The following SIK3 variants were observed in gnomAD, a reference collection of about 807,000 sequenced individuals.
The protein encoded by SIK3 is SIK family kinase 3.
Under a neutral mutation model 144.2 loss-of-function variants are expected in SIK3, and 28 were observed. The observed-to-expected ratio is 0.19, with a 90% CI of 0.14 to 0.27. The LOEUF (loss-of-function observed/expected upper bound fraction) is 0.27. Ranked by LOEUF, SIK3 falls within the 10% of genes least tolerant of loss-of-function variation. The pLI is 1.00. For missense variants in SIK3, 1,319 were observed against 1,776.0 expected, an observed-to-expected ratio of 0.74 and a Z score of 4.62; for synonymous variants, 686 against 676.3, an observed-to-expected ratio of 1.01 and a Z score of -0.22.
chr11:117,012,909 C>T (rs937277472), intron 1 of SIK3, among the ~76,000 whole-genome samples: 9 of 129,318 alleles, frequency 7.0e-5, no homozygotes, highest in East Asian at 4.5e-4. Context: ...TGGAGTGCAG[C>T]GGCGTGATCT....
At chr11:116,881,833 T>G (rs1944567995) in intron 6 of SIK3, among the ~76,000 whole-genome samples, 1 of 152,322 alleles carries the variant, frequency 6.6e-6, no homozygotes, top group South Asian at 2.1e-4. Context: ...GCTAAACCCT[T>G]TAAGTTAATT....
At position 116,897,210 on chromosome 11, in the gene SIK3, G is replaced by A; in HGVS notation, c.724C>T (p.Pro242Ser). ...ELFEGKEYDG[P>S]KVDIWSLGVV... Reference sequence around the variant, plus strand: ...TTACTTACCCAGATGTCCACTTTGGGCCCATCATATTCTTTTCCTTCAAAG... The same window carrying A: ...TTACTTACCCAGATGTCCACTTTGGACCCATCATATTCTTTTCCTTCAAAG... Residue 242 changes from proline (P) to serine (S), a missense_variant, in exon 5 of 25, where the codon CCC (proline) becomes TCC (serine). By Grantham distance (74) the Pro-to-Ser change is moderately conservative. Around this residue, in one of 8 missense-constraint regions of SIK3, gnomAD observed 125 missense variants for 285.2 expected, o/e 0.44. Coordinates refer to ENST00000445177, the MANE Select transcript of SIK3 (RefSeq NM_001366686.3). 1 of 1,613,940 alleles carries A rather than the reference G, an allele frequency of 6.2e-7. No individual in the cohort carries two copies. The highest frequency in any genetic ancestry group is 8.5e-7 in the Non-Finnish European group (1 of 1,179,924).
intron 1 of SIK3, among the ~76,000 whole-genome samples, chr11:117,096,600 T>C (rs945530046): frequency 6.6e-6 from 1 of 152,094 alleles, no homozygotes; most frequent in Non-Finnish European, 1.5e-5. Context: ...CATTCAGCTC[T>C]GACCTGCAGA....
rs1955061506 is a variant in SIK3, at chr11:117,087,361, T to C, written c.273+10782A>G. Among the ~76,000 whole-genome samples the C allele has an allele frequency of 2.0e-5, 3 of 152,072 alleles. No individual in the cohort carries two copies. In the South Asian group the frequency reaches 6.2e-4, roughly 31 times the overall value. ...GGGAAGCTGAGGCAAGAGAATCGCT[T>C]GAACCCAGGAGGCGGAGGTTGCAGT... On this transcript the variant is annotated intron_variant, in intron 1 of 24. Coordinates refer to ENST00000445177, the MANE Select transcript of SIK3 (RefSeq NM_001366686.3).
chr11:117,063,734 A>G (rs955302886), intron 1 of SIK3, among the ~76,000 whole-genome samples: 6 of 151,678 alleles, frequency 4.0e-5, no homozygotes, highest in African/African-American at 1.5e-4. Flanking sequence ...ACGCCTGGCT[A>G]ATTTTTTGTA....
In SIK3 at chr11:116,896,390, A is replaced by G. The variant is rs1251266584; in HGVS notation, c.742-14T>C. The G allele has an allele frequency of 6.2e-7, 1 of 1,612,316 alleles. No homozygotes were observed. Among genetic ancestry groups the G allele is most frequent in the East Asian group, 2.2e-5 (1 of 44,780 alleles). ...AACTCCAAGGCTCTGCATCCCAAAC[A>G]GAGAGGATGTACAATTAATCACATC... On this transcript the variant is annotated splice_polypyrimidine_tract_variant and intron_variant, in intron 5 of 24. Coordinates refer to ENST00000445177, the MANE Select transcript of SIK3 (RefSeq NM_001366686.3).
At chr11:116,852,433 G>A (rs1217284076) in intron 21 of SIK3, among the ~76,000 whole-genome samples, 2 of 152,208 alleles carry the variant, frequency 1.3e-5, no homozygotes, top group Non-Finnish European at 2.9e-5. Context: ...CTGGAGTTGA[G>A]CACAAGGGTC....
At chr11:116,961,127 C>T (rs11216200) in intron 1 of SIK3, among the ~76,000 whole-genome samples, 23,376 of 152,178 alleles carry the variant, frequency 0.15, 2,594 homozygotes, top group African/African-American at 0.31. Context: ...CAGCAAGACC[C>T]GACCCTGAGG....
At chr11:116,930,049 T>C (rs550233000) in intron 3 of SIK3, among the ~76,000 whole-genome samples, 41 of 152,198 alleles carry the variant, frequency 2.7e-4, no homozygotes, top group African/African-American at 4.1e-4. Flanking sequence ...CTTTTTTTTT[T>C]CCCCTGGACT....
chr11:116,924,238 G>A (rs968923921), intron 4 of SIK3, among the ~76,000 whole-genome samples: 1 of 151,666 alleles, frequency 6.6e-6, no homozygotes, highest in African/African-American at 2.4e-5. Flanking sequence ...AGAGGTTGCA[G>A]TGAGCGGAGA....
intron 1 of SIK3, among the ~76,000 whole-genome samples, chr11:117,038,919 G>A (rs1484444622): frequency 3.9e-5 from 6 of 151,902 alleles, no homozygotes; most frequent in African/African-American, 1.5e-4. Flanking sequence ...GCATGGTGGT[G>A]TGTGCCTCTA....
At chr11:116,894,982 T>A (rs1316062750) in intron 6 of SIK3, among the ~76,000 whole-genome samples, 1 of 152,220 alleles carries the variant, frequency 6.6e-6, no homozygotes, top group African/African-American at 2.4e-5. Flanking sequence ...AATTTTTTTG[T>A]ATGTTTGAAA....
At chr11:117,056,771 G>A (rs1372599807) in intron 1 of SIK3, among the ~76,000 whole-genome samples, 1 of 152,036 alleles carries the variant, frequency 6.6e-6, no homozygotes, top group African/African-American at 2.4e-5. Flanking sequence ...AAACTTGGCT[G>A]TGCATATATA....
chr11:117,005,336 GAAAA>G (rs35279676), intron 1 of SIK3, among the ~76,000 whole-genome samples: 28 of 55,976 alleles, frequency 5.0e-4, no homozygotes, highest in Middle Eastern at 0.014. Flanking sequence ...CCCCGTCTCA[GAAAA>G]AAAAAAAAAA....
chr11:117,043,370 T>TGGAA (rs1323446444), intron 1 of SIK3, among the ~76,000 whole-genome samples: 5 of 152,088 alleles, frequency 3.3e-5, no homozygotes, highest in Admixed American at 6.6e-5. Context: ...AAAAATAAGG[T>TGGAA]GGAAGTTCAG....
chr11:117,012,273 C>T (rs1419807737), intron 1 of SIK3, among the ~76,000 whole-genome samples: 1 of 152,132 alleles, frequency 6.6e-6, no homozygotes, highest in Admixed American at 6.5e-5. Context: ...CATGCCCAGT[C>T]CTCAAATACT....
intron 4 of SIK3, among the ~76,000 whole-genome samples, chr11:116,905,545 C>A (rs1338732958): frequency 6.6e-6 from 1 of 152,176 alleles, no homozygotes; most frequent in Non-Finnish European, 1.5e-5. Context: ...TCCAAAGTGG[C>A]CGTACCATTA....
chr11:116,973,284 G>A (rs1045443716), intron 1 of SIK3, among the ~76,000 whole-genome samples: 1 of 152,124 alleles, frequency 6.6e-6, no homozygotes, highest in Non-Finnish European at 1.5e-5. Context: ...TTCTTTATAA[G>A]GTAGACAACT....
chr11:116,892,645 G>A (rs1385730282), intron 6 of SIK3, among the ~76,000 whole-genome samples: 1 of 152,174 alleles, frequency 6.6e-6, no homozygotes, highest in Non-Finnish European at 1.5e-5. Context: ...TAGCCACTTT[G>A]GAAGACAGTT....
Sources: allele counts gnomAD v4.1 joint callset (sites outside exome capture counted in the v4.1 genomes callset), GRCh38; gene constraint gnomAD v4.1.1; regional missense constraint gnomAD v4.1.1; transcripts MANE v1.5; gene names NCBI Gene and HGNC (gene_info 2026-07-23, HGNC 2026-07-21).